Variants in PTPRD observed in about 807,000 individuals in gnomAD.
PTPRD encodes the protein receptor-type tyrosine-protein phosphatase delta.
PTPRD carries 34 observed loss-of-function variants against 214.5 expected under a neutral mutation model. That is an observed-to-expected ratio of 0.16 (90% confidence interval 0.12 to 0.21). PTPRD has a LOEUF of 0.21. PTPRD is among the 10% of genes least tolerant of loss of function. The pLI, the probability that PTPRD is intolerant of heterozygous loss-of-function variation, is 1.00. For missense variants in PTPRD, 2,545 were observed against 2,398.7 expected (o/e 1.06, Z -1.27); for synonymous variants, 1,128 against 845.7 (o/e 1.33, Z -5.79).
At chr9:8,559,225 C>T (rs1362514155) in intron 14 of PTPRD, among the ~76,000 whole-genome samples, 2 of 152,196 alleles carry the variant, frequency 1.3e-5, no homozygotes, top group African/African-American at 4.8e-5. Context: ...AGCAGTAATT[C>T]GTTGTTTATT....
chr9:9,455,736 T>A (rs2092898550), intron 8 of PTPRD, among the ~76,000 whole-genome samples: 1 of 151,610 alleles, frequency 6.6e-6, no homozygotes, highest in African/African-American at 2.4e-5. Context: ...TGGAATAGGT[T>A]GTAGAAAAAA....
chr9:8,941,998 G>T (rs2099036919), intron 11 of PTPRD, among the ~76,000 whole-genome samples: 1 of 152,106 alleles, frequency 6.6e-6, no homozygotes, highest in Admixed American at 6.5e-5. Flanking sequence ...TAGAGATGGG[G>T]TTTCACCATG....
chr9:8,562,901 G>A (rs1464915704), intron 14 of PTPRD, among the ~76,000 whole-genome samples: 1 of 141,740 alleles, frequency 7.1e-6, no homozygotes, highest in Non-Finnish European at 1.5e-5. Context: ...ATTTAGATCT[G>A]TGAGTTAATT....
intron 33 of PTPRD, among the ~76,000 whole-genome samples, chr9:8,459,836 C>T (rs1204918498): frequency 6.6e-6 from 1 of 152,050 alleles, no homozygotes; most frequent in Non-Finnish European, 1.5e-5. Flanking sequence ...TTCACCAGTG[C>T]AGATGTGGAA....
At chr9:10,227,237 T>G (rs1315001672) in intron 3 of PTPRD, among the ~76,000 whole-genome samples, 2 of 152,004 alleles carry the variant, frequency 1.3e-5, no homozygotes, top group Admixed American at 1.3e-4. Flanking sequence ...GATGTGAAAT[T>G]GCATGTTGAA....
At chr9:10,203,538 G>C in intron 3 of PTPRD, among the ~76,000 whole-genome samples, 1 of 152,022 alleles carries the variant, frequency 6.6e-6, no homozygotes, top group East Asian at 1.9e-4. Context: ...CAGTAATTCT[G>C]GTAATTTTGT....
chr9:10,107,402 C>G (rs924737805), intron 3 of PTPRD, among the ~76,000 whole-genome samples: 1 of 152,034 alleles, frequency 6.6e-6, no homozygotes, highest in Non-Finnish European at 1.5e-5. Flanking sequence ...AAACATGACT[C>G]ATTTTTTTGT....
chr9:9,297,376 G>C (rs1268161399), intron 9 of PTPRD, among the ~76,000 whole-genome samples: 1 of 151,536 alleles, frequency 6.6e-6, no homozygotes, highest in African/African-American at 2.4e-5. Context: ...TGAAAAAACA[G>C]AAAAGAGGCC....
At chr9:8,746,867 C>G (rs2092878299) in intron 11 of PTPRD, among the ~76,000 whole-genome samples, 1 of 152,056 alleles carries the variant, frequency 6.6e-6, no homozygotes, top group South Asian at 2.1e-4. Context: ...GGATATGGGT[C>G]TCACATAGGC....
chr9:10,128,707 G>A lies in PTPRD; in HGVS notation c.-544-94917C>T, dbSNP rs560682579. Among the ~76,000 whole-genome samples the A allele has an allele frequency of 1.9e-4, 29 of 152,172 alleles. 1 individual carries two copies. The South Asian group carries it at 2.7e-3, about 14-fold the overall frequency. On this transcript the variant is annotated intron_variant, in intron 3 of 45. Coordinates refer to ENST00000381196, the MANE Select transcript of PTPRD (RefSeq NM_002839.4). ...ATGCCTGTTTTCTCTCTGCGATACCGTCTTTAGGGACTCCCTCACCGTTAA... is the reference window on the plus strand; with the variant it reads ...ATGCCTGTTTTCTCTCTGCGATACCATCTTTAGGGACTCCCTCACCGTTAA...
At chr9:8,817,205 A>G (rs1276976827) in intron 11 of PTPRD, among the ~76,000 whole-genome samples, 1 of 152,218 alleles carries the variant, frequency 6.6e-6, no homozygotes, top group African/African-American at 2.4e-5. Context: ...TCACTTCTTA[A>G]AAGCAAAACA....
At chr9:9,274,549 G>A (rs1264146012) in intron 9 of PTPRD, among the ~76,000 whole-genome samples, 6 of 151,062 alleles carry the variant, frequency 4.0e-5, no homozygotes, top group Admixed American at 6.6e-5. Context: ...CCCAACTCTT[G>A]CCACTACCAA....
chr9:9,075,401 T>A (rs184663683), intron 10 of PTPRD, among the ~76,000 whole-genome samples: 7 of 152,162 alleles, frequency 4.6e-5, no homozygotes, highest in Admixed American at 3.3e-4. Flanking sequence ...TCATTCGATA[T>A]CGGTATTATT....
chr9:10,541,014 A>C (rs770180476), intron 2 of PTPRD, among the ~76,000 whole-genome samples: 8 of 152,196 alleles, frequency 5.3e-5, no homozygotes, highest in Non-Finnish European at 1.2e-4. Context: ...ATAAAATTGA[A>C]TCAAGTAAAA....
intron 7 of PTPRD, among the ~76,000 whole-genome samples, chr9:9,581,999 T>A (rs902171842): frequency 6.6e-6 from 1 of 152,168 alleles, no homozygotes; most frequent in African/African-American, 2.4e-5. Flanking sequence ...TATTGCCACT[T>A]CAAAAGCTAC....
chr9:9,582,784 A>C (rs1298915782), intron 7 of PTPRD, among the ~76,000 whole-genome samples: 1 of 152,062 alleles, frequency 6.6e-6, no homozygotes, highest in Non-Finnish European at 1.5e-5. Context: ...TGAACCTGCT[A>C]TAATGTATTA....
In PTPRD at chr9:8,316,758, T is replaced by G. The variant is rs1587178281; in HGVS notation, c.*1116A>C. ...TTAGGTAGGAAATCAGGGGGTGAGG[T>G]TTGACAATCAATCACTGATGTGCAT... On this transcript the variant is annotated 3_prime_UTR_variant, in exon 46 of 46. Transcript: ENST00000381196. The G allele has an allele frequency of 2.2e-5, 5 of 231,320 alleles. No individual in the cohort carries two copies. The East Asian group carries it at 3.1e-4, about 14-fold the overall frequency. The allele number at this position is 231,320 out of a possible 1,614,324, so 14.3% of individuals were successfully genotyped here.
intron 8 of PTPRD, among the ~76,000 whole-genome samples, chr9:9,553,726 G>A (rs553821111): frequency 7.1e-6 from 1 of 141,782 alleles, no homozygotes; most frequent in Non-Finnish European, 1.6e-5. Context: ...TATTCAGGTA[G>A]GAAGAAAATA....
intron 11 of PTPRD, among the ~76,000 whole-genome samples, chr9:8,813,766 T>C (rs1460798914): frequency 6.6e-6 from 1 of 152,254 alleles, no homozygotes; most frequent in African/African-American, 2.4e-5. Context: ...GATGCTTTGC[T>C]GAGTTCCTGA....
Sources: allele counts gnomAD v4.1 joint callset (sites outside exome capture counted in the v4.1 genomes callset), GRCh38; gene constraint gnomAD v4.1.1; transcripts MANE v1.5; gene names NCBI Gene and HGNC (gene_info 2026-07-23, HGNC 2026-07-21).